The following MYH7B variants were observed in gnomAD, a reference collection of about 807,000 sequenced individuals.
MYH7B encodes myosin-7B.
In MYH7B, 205 loss-of-function variants were observed where a neutral mutation model predicts 234.5. The ratio of observed to expected loss-of-function variants is 0.87; its 90% confidence interval spans 0.78 to 0.98. MYH7B has a LOEUF of 0.98. MYH7B is among the 50% of genes least tolerant of loss of function. The pLI is 0.00. For synonymous variants in MYH7B, 1,193 were observed against 1,105.0 expected, an observed-to-expected ratio of 1.08 and a Z score of -1.58; for missense variants, 2,652 against 2,633.4, an observed-to-expected ratio of 1.01 and a Z score of -0.15.
At position 34,998,565 on chromosome 20, in the gene MYH7B, G is replaced by A. The variant is rs1057518263; in HGVS notation, c.3929G>A (p.Arg1310His). Reference sequence around the variant, plus strand: ...GAGTGTCTGATCAGTCAGCTGAGCCGTGGAAAGGCCCTGGCCGCCCAAAGC... The same window carrying A: ...GAGTGTCTGATCAGTCAGCTGAGCCATGGAAAGGCCCTGGCCGCCCAAAGC... The change falls in exon 34 of 45, where the codon CGT becomes CAT. Residue 1310 changes from arginine (R) to histidine (H), a missense_variant. Transcript: ENST00000262873. The A allele has an allele frequency of 1.5e-5, 24 of 1,613,568 alleles. No homozygotes were observed. Among genetic ancestry groups the A allele is most frequent in the Admixed American group, 8.3e-5 (5 of 60,016 alleles).
At chr20:34,959,325 G>A (rs1304012543) in intron 2 of MYH7B, among the ~76,000 whole-genome samples, 1 of 152,194 alleles carries the variant, frequency 6.6e-6, no homozygotes, top group Admixed American at 6.5e-5. Flanking sequence ...AGTCCATGTA[G>A]TGGACTGTAG....
chr20:34,979,585 T>G, intron 6 of MYH7B, 76 bp from the exon 7 acceptor site: 1 of 1,605,670 alleles, frequency 6.2e-7, no homozygotes, highest in Non-Finnish European at 8.5e-7. Context: ...GGGGTCTGGG[T>G]ATGTGGGTGG....
At chr20:34,977,762 G>T in intron 4 of MYH7B, 82 bp downstream of exon 4, 2 of 1,493,270 alleles carry the variant, frequency 1.3e-6, no homozygotes, top group South Asian at 2.4e-5. Context: ...GGGTGGCCGC[G>T]AGTCTTCTGA....
chr20:35,000,700 G>A lies in MYH7B; in HGVS notation c.5178+11G>A, dbSNP rs756131266. ...CTTCTGCATTCGCAGGTGGGGACAGGAGTCCCTGGGGACAGAGCAGGTGCA... is the reference window on the plus strand; with the variant it reads ...CTTCTGCATTCGCAGGTGGGGACAGAAGTCCCTGGGGACAGAGCAGGTGCA... On this transcript the variant is annotated intron_variant, in intron 39 of 44. Transcript: ENST00000262873. The A allele has an allele frequency of 2.6e-5, 41 of 1,598,076 alleles. No homozygotes were observed. In the South Asian group the frequency reaches 2.6e-4, roughly 10 times the overall value.
At chr20:35,000,944 C>T (rs142019167) in intron 40 of MYH7B, 44 bp from the exon 41 acceptor site, 20,090 of 1,611,760 alleles carry the variant, frequency 0.012, 164 homozygotes, top group Admixed American at 0.038. Context: ...TGCAGAGGGA[C>T]TTCCCTGAGG....
At chr20:34,986,808 C>G (rs1280327080) in intron 14 of MYH7B, 78 bp from the exon 15 acceptor site, 8 of 1,224,206 alleles carry the variant, frequency 6.5e-6, no homozygotes, top group Non-Finnish European at 9.6e-6. Flanking sequence ...CCCGCAGGAC[C>G]CCCTATGCTG....
At chr20:35,000,726 G>A (rs6060150) in intron 39 of MYH7B, 37 bp downstream of exon 39, 1 of 1,605,976 alleles carries the variant, frequency 6.2e-7, no homozygotes, top group Non-Finnish European at 8.5e-7. Flanking sequence ...AGCAGGTGCA[G>A]GCCTGCTGGC....
At chr20:34,962,965 G>C (rs190412152) in intron 2 of MYH7B, among the ~76,000 whole-genome samples, 135 of 152,332 alleles carry the variant, frequency 8.9e-4, no homozygotes, top group South Asian at 2.9e-3. Context: ...GGGCGTGGTG[G>C]CGCACACCTG....
Position 34,979,398 on chromosome 20 carries a change from C to G in MYH7B, c.100C>G (p.Arg34Gly). 6.2e-7 allele frequency: 1 copy of G among 1,612,494 alleles called. No individual in the cohort carries two copies. ...CTCTCTCTGCAACCCAGGGAAGAAG[C>G]GAGTCTGGGTGCCTGATGAACAGGA... is the stretch of plus-strand genomic sequence containing the variant. Residue 34 changes from arginine (R) to glycine (G), a missense_variant, in exon 6 of 45, where the codon CGA becomes GGA. Physicochemically the swap from Arg to Gly is moderately radical, Grantham distance 125. This residue lies in a region of MYH7B where 366 missense variants were observed against 401.2 expected (regional missense o/e 0.91). Transcript: ENST00000262873.
chr20:34,979,482 AC>A lies in MYH7B; in HGVS notation c.186del (p.Asp64ThrfsTer5). The stretch of plus-strand genomic sequence containing the variant: ...TACCGGGGGCAGAGTCACCGTGGAG[AC>A]CAAAGACCAGAAGGTTCCGTTCCCC... On this transcript the variant is annotated frameshift_variant, in exon 6 of 45. Coordinates refer to ENST00000262873, the Ensembl canonical transcript of MYH7B. LOFTEE classifies it high-confidence loss of function. 6.2e-7 allele frequency: 1 copy of A among 1,613,096 alleles called. No homozygotes were observed. The highest frequency in any genetic ancestry group is 8.5e-7 in the Non-Finnish European group (1 of 1,179,454).
chr20:34,994,432 T>C, intron 27 of MYH7B, 31 bp downstream of exon 27: 2 of 1,538,682 alleles, frequency 1.3e-6, no homozygotes, highest in African/African-American at 1.4e-5. Context: ...TGACCGGGCG[T>C]CCCCAGCCCC....
chr20:34,968,917 G>A (rs1471359594), intron 2 of MYH7B, among the ~76,000 whole-genome samples: 6 of 152,228 alleles, frequency 3.9e-5, no homozygotes, highest in African/African-American at 1.2e-4. Context: ...GGGGTTGAGT[G>A]GTTCTGGAAG....
At chr20:34,995,443 G>A in exon 28 of MYH7B, 14 of 1,613,714 alleles carry the variant, frequency 8.7e-6, no homozygotes, top group Non-Finnish European at 1.2e-5. Context: ...TGGAGGATGA[G>A]GAGGAGGTGA....
Position 34,989,937 on chromosome 20 carries a change from C to T in MYH7B, c.1767+18C>T. The T allele has an allele frequency of 5.0e-6, 8 of 1,612,972 alleles. No homozygotes were observed. Among genetic ancestry groups the T allele is most frequent in the Non-Finnish European group, 6.8e-6 (8 of 1,179,250 alleles). On this transcript the variant is annotated intron_variant, in intron 20 of 44. Coordinates refer to ENST00000262873, the Ensembl canonical transcript of MYH7B. Reference sequence around the variant, plus strand: ...CAGGCGTGGTAGGTGCTTGCTGGAACCCCAGCCCTCGGCCAGGCTCCTCCC... The same window carrying T: ...CAGGCGTGGTAGGTGCTTGCTGGAATCCCAGCCCTCGGCCAGGCTCCTCCC...
chr20:34,986,842 G>C lies in MYH7B; in HGVS notation c.905-44G>C, dbSNP rs199876693. ...TGCAATTGTTGTGGGGAGAATAGCC[G>C]GTAAGCACTGCCTGACCCTCCCTTC... is the stretch of plus-strand genomic sequence containing the variant. On this transcript the variant is annotated intron_variant, in intron 14 of 44. Transcript: ENST00000262873. 3 of 1,510,868 alleles carry C rather than the reference G, an allele frequency of 2.0e-6. No individual in the cohort carries two copies. In the African/African-American group the frequency reaches 4.1e-5, roughly 21 times the overall value. The allele number at this position is 1,510,868 out of a possible 1,614,324, so 93.6% of individuals were successfully genotyped here.
exon 33 of MYH7B, chr20:34,998,364 C>G: frequency 6.2e-7 from 1 of 1,613,916 alleles, no homozygotes; most frequent in Non-Finnish European, 8.5e-7. Flanking sequence ...GGTGGAGGAG[C>G]TGCAGCGGCA....
intron 36 of MYH7B, 69 bp from the exon 37 acceptor site, chr20:34,999,502 G>C (rs1006544881): frequency 3.9e-6 from 6 of 1,537,048 alleles, no homozygotes; most frequent in Middle Eastern, 1.8e-4. Flanking sequence ...TGGAATCAGG[G>C]GTGAGTGGAG....
At chr20:35,000,717 G>GC in intron 39 of MYH7B, 28 bp downstream of exon 39, 1 of 1,603,524 alleles carries the variant, frequency 6.2e-7, no homozygotes. Flanking sequence ...TGGGGACAGA[G>GC]CAGGTGCAGG....
intron 2 of MYH7B, among the ~76,000 whole-genome samples, chr20:34,971,646 A>T (rs942662493): frequency 3.3e-5 from 5 of 152,038 alleles, no homozygotes; most frequent in Admixed American, 6.6e-5. Flanking sequence ...TTGCACTGGG[A>T]CCATTATGGC....
Sources: gnomAD v4.1 joint callset for allele counts (sites outside exome capture counted in the v4.1 genomes callset) on GRCh38, gnomAD v4.1.1 for gene constraint, gnomAD v4.1.1 regional missense constraint, MANE v1.5 for transcripts, NCBI Gene and HGNC (gene_info 2026-07-23, HGNC 2026-07-21) for gene names.